Variants in PREX1 observed in about 807,000 individuals in gnomAD.
PREX1 encodes phosphatidylinositol-3,4,5-trisphosphate dependent Rac exchange factor 1, also known as phosphatidylinositol 3,4,5-trisphosphate-dependent Rac exchanger 1 protein.
Under a neutral mutation model 198.3 loss-of-function variants are expected in PREX1, and 41 were observed. The observed-to-expected ratio is 0.21, with a 90% CI of 0.16 to 0.27. PREX1 has a LOEUF of 0.27. Among genes scored for constraint, PREX1 ranks in the 10% least tolerant of loss-of-function variants. The pLI is 1.00. For missense variants in PREX1, 1,620 were observed against 2,200.7 expected (o/e 0.74, Z 5.28); for synonymous variants, 843 against 887.2 (o/e 0.95, Z 0.89).
chr20:48,808,045 G>A (rs549156573), intron 1 of PREX1, among the ~76,000 whole-genome samples: 173 of 152,304 alleles, frequency 1.1e-3, no homozygotes, highest in African/African-American at 4.1e-3. Context: ...AACAAAGATG[G>A]CTTTGTCAGT....
intron 26 of PREX1, 61 bp from the exon 27 acceptor site, chr20:48,644,558 A>T: frequency 2.1e-6 from 3 of 1,452,786 alleles, no homozygotes; most frequent in Non-Finnish European, 2.9e-6. Flanking sequence ...TGGTCCTGGC[A>T]CCCAAAACCC....
intron 10 of PREX1, among the ~76,000 whole-genome samples, chr20:48,686,682 C>T (rs1380329577): frequency 1.3e-5 from 2 of 152,240 alleles, no homozygotes; most frequent in Non-Finnish European, 2.9e-5. Context: ...CAGCAGGACT[C>T]CAAGGCCCAA....
At chr20:48,655,250 C>T (rs376277618) in intron 19 of PREX1, 40 bp downstream of exon 19, 45 of 1,487,790 alleles carry the variant, frequency 3.0e-5, no homozygotes, top group Non-Finnish European at 4.0e-5. Flanking sequence ...GATCCACCAT[C>T]TTCTGCACCT....
At chr20:48,650,264 C>T in intron 23 of PREX1, 58 bp from the exon 24 acceptor site, 4 of 1,512,172 alleles carry the variant, frequency 2.6e-6, no homozygotes, top group Non-Finnish European at 3.7e-6. Context: ...GAAATATTGG[C>T]CCATACCCAG....
rs1405617235 is a variant in PREX1 at position 48,625,029 on chromosome 20, T to C, written c.*856A>G. 1 of 152,616 alleles carries C rather than the reference T, an allele frequency of 6.6e-6. No homozygotes were observed. The highest frequency in any genetic ancestry group is 2.4e-5 in the African/African-American group (1 of 41,442). The allele number at this position is 152,616 out of a possible 1,614,324, so 9.5% of individuals were successfully genotyped here. ...AACAGGAAACAATGACATTTTTTAA[T>C]TTTTCAATAATTTAGTTTTTCTTTT... is the stretch of plus-strand genomic sequence containing the variant. On this transcript the variant is annotated 3_prime_UTR_variant, in exon 40 of 40. Transcript: ENST00000371941.
At chr20:48,672,825 C>T (rs1023184867) in intron 14 of PREX1, among the ~76,000 whole-genome samples, 2 of 152,228 alleles carry the variant, frequency 1.3e-5, no homozygotes, top group Non-Finnish European at 2.9e-5. Flanking sequence ...CCTGCCCCCG[C>T]TCCCACACCG....
chr20:48,670,309 C>G (rs993253916), intron 14 of PREX1, among the ~76,000 whole-genome samples: 2 of 152,014 alleles, frequency 1.3e-5, no homozygotes, highest in Non-Finnish European at 2.9e-5. Context: ...TCTGCCCCTG[C>G]CCCTGCTGAG....
At chr20:48,867,994 C>T in the PREX1 span, among the ~76,000 whole-genome samples, 2 of 151,918 alleles carry the variant, frequency 1.3e-5, no homozygotes, top group Non-Finnish European at 2.9e-5. Context: ...CAGGCGTGAG[C>T]CACTGTGCCA....
At chr20:48,628,948 C>G (rs2089292981) in intron 37 of PREX1, among the ~76,000 whole-genome samples, 1 of 152,078 alleles carries the variant, frequency 6.6e-6, no homozygotes, top group Non-Finnish European at 1.5e-5. Flanking sequence ...TGAAGGCTGT[C>G]TGGGGAGTGG....
Position 48,700,977 on chromosome 20 carries a change from C to T in PREX1, c.784-91G>A. ...CAGAACCTACTACCACCTCCTGCCACATGCCAAAAACTCCACCAGCAAGTC... is the reference window on the plus strand; with the variant it reads ...CAGAACCTACTACCACCTCCTGCCATATGCCAAAAACTCCACCAGCAAGTC... On this transcript the variant is annotated intron_variant, in intron 6 of 39. Coordinates refer to ENST00000371941, the MANE Select transcript of PREX1 (RefSeq NM_020820.4). 5 of 1,556,418 alleles carry T rather than the reference C, an allele frequency of 3.2e-6. No homozygotes were observed. In the Admixed American group the frequency reaches 7.0e-5, roughly 22 times the overall value.
intron 20 of PREX1, 62 bp from the exon 21 acceptor site, chr20:48,652,768 G>A (rs936898295): frequency 1.9e-6 from 3 of 1,546,454 alleles, no homozygotes; most frequent in Non-Finnish European, 2.6e-6. Flanking sequence ...AGGGGACAGG[G>A]CCGAGGTGTG....
intron 3 of PREX1, among the ~76,000 whole-genome samples, chr20:48,741,148 A>G (rs141827100): frequency 6.6e-6 from 1 of 152,312 alleles, no homozygotes; most frequent in Non-Finnish European, 1.5e-5. Flanking sequence ...TTAAACAAAT[A>G]ATAATACAAA....
the PREX1 span, among the ~76,000 whole-genome samples, chr20:48,872,493 C>G: frequency 7.6e-4 from 116 of 152,284 alleles, no homozygotes; most frequent in African/African-American, 2.6e-3. Context: ...CCTGTAATCT[C>G]AGCACTTGGG....
chr20:48,644,578 A>G, intron 26 of PREX1, 81 bp from the exon 27 acceptor site: 1 of 1,281,078 alleles, frequency 7.8e-7, no homozygotes, highest in Non-Finnish European at 1.1e-6. Context: ...CACTTTCTAC[A>G]GTGTAGACAA....
chr20:48,765,934 A>C (rs2122859710), intron 1 of PREX1, among the ~76,000 whole-genome samples: 1 of 152,260 alleles, frequency 6.6e-6, no homozygotes. Flanking sequence ...GCCTCCTGTC[A>C]CATCAGCAGC....
chr20:48,872,575 C>A, the PREX1 span, among the ~76,000 whole-genome samples: 2 of 152,064 alleles, frequency 1.3e-5, no homozygotes, highest in South Asian at 2.1e-4. Context: ...GAAACCCCAT[C>A]TATACTAAAA....
chr20:48,667,877 G>T (rs996620161), intron 14 of PREX1, among the ~76,000 whole-genome samples: 6 of 152,178 alleles, frequency 3.9e-5, no homozygotes, highest in Non-Finnish European at 8.8e-5. Flanking sequence ...CCAAGAACAT[G>T]ACACTTGAGT....
chr20:48,655,582 T>C (rs2122917630), intron 18 of PREX1, among the ~76,000 whole-genome samples: 1 of 152,312 alleles, frequency 6.6e-6, no homozygotes, highest in East Asian at 1.9e-4. Flanking sequence ...GGATCTTTGA[T>C]TAAGCACAAC....
At chr20:48,629,307 GCAGA>G in intron 37 of PREX1, 138 bp downstream of exon 37, 2 of 1,171,000 alleles carry the variant, frequency 1.7e-6, no homozygotes, top group Non-Finnish European at 2.4e-6. Context: ...AAACTGAGGT[GCAGA>G]CAGAGCCAAG....
Sources: gnomAD v4.1 joint callset for allele counts (sites outside exome capture counted in the v4.1 genomes callset) on GRCh38, gnomAD v4.1.1 for gene constraint, MANE v1.5 for transcripts, NCBI Gene and HGNC (gene_info 2026-07-23, HGNC 2026-07-21) for gene names.